Variants in ARHGEF10L observed in about 807,000 individuals in gnomAD.
ARHGEF10L encodes the protein Rho guanine nucleotide exchange factor 10 like, also known as rho guanine nucleotide exchange factor 10-like protein.
ARHGEF10L carries 69 observed loss-of-function variants against 141.2 expected under a neutral mutation model. The observed-to-expected ratio is 0.49, with a 90% CI of 0.40 to 0.60. ARHGEF10L has a LOEUF of 0.60. Ranked by LOEUF, ARHGEF10L falls within the 20% of genes least tolerant of loss-of-function variation. The pLI is 0.00. For missense variants in ARHGEF10L, 1,482 were observed against 1,734.3 expected (o/e 0.85, Z 2.58); for synonymous variants, 711 against 718.5 (o/e 0.99, Z 0.17).
the ARHGEF10L span, among the ~76,000 whole-genome samples, chr1:17,528,403 G>T: frequency 6.6e-6 from 1 of 151,914 alleles, no homozygotes; most frequent in South Asian, 2.1e-4. Flanking sequence ...TTTTTGTAGA[G>T]ACAGGGTCTC....
At chr1:17,689,287 G>A (rs1056183995) in intron 27 of ARHGEF10L, among the ~76,000 whole-genome samples, 5 of 152,106 alleles carry the variant, frequency 3.3e-5, no homozygotes, top group African/African-American at 9.6e-5. Context: ...ATGGGATGTA[G>A]GTCCCAGCTC....
rs1007781790 is a variant in ARHGEF10L at position 17,573,346 on chromosome 1, C to A, written c.-43-7207C>A. Among the ~76,000 whole-genome samples, 1 of 152,190 alleles carries A rather than the reference C, an allele frequency of 6.6e-6. No homozygotes were observed. Among genetic ancestry groups the A allele is most frequent in the East Asian group, 1.9e-4 (1 of 5,168 alleles). On this transcript the variant is annotated intron_variant, in intron 1 of 28. Coordinates refer to ENST00000361221, the MANE Select transcript of ARHGEF10L (RefSeq NM_018125.4). This position sits in a 1 kb window ranked among gnomAD's most constrained non-coding sequence, Gnocchi z 4.8. Reference sequence around the variant, plus strand: ...CTCTGATGGGCGAGTTGATGGCACACAGTATGTGTCATGCCAGCTGCTGTC... The same window carrying A: ...CTCTGATGGGCGAGTTGATGGCACAAAGTATGTGTCATGCCAGCTGCTGTC...
rs538660598 is a variant in ARHGEF10L, at chr1:17,669,620, C to T, written c.3009+5025C>T. 2.6e-5 allele frequency among the ~76,000 whole-genome samples: 4 copies of T among 152,328 alleles called. No homozygotes were observed. In the South Asian group the frequency reaches 8.3e-4, roughly 32 times the overall value. On this transcript the variant is annotated intron_variant, in intron 26 of 28. Transcript: ENST00000361221. ...CAGAAGTCTCAGTTTCCTTGGGGTGCCTGGGCCCCCCAAAGCTTTCTGTCT... is the reference window on the plus strand; with the variant it reads ...CAGAAGTCTCAGTTTCCTTGGGGTGTCTGGGCCCCCCAAAGCTTTCTGTCT...
At chr1:17,668,982 C>G (rs2063150892) in intron 26 of ARHGEF10L, among the ~76,000 whole-genome samples, 1 of 152,126 alleles carries the variant, frequency 6.6e-6, no homozygotes, top group African/African-American at 2.4e-5. Context: ...CCTGGGGGAG[C>G]CGCCTGGAGC....
intron 26 of ARHGEF10L, among the ~76,000 whole-genome samples, chr1:17,680,973 A>G (rs1177597644): frequency 6.6e-6 from 1 of 151,972 alleles, no homozygotes; most frequent in Non-Finnish European, 1.5e-5. Flanking sequence ...TAGTAGAGAC[A>G]TGTTGGCCAG....
chr1:17,528,964 G>T, the ARHGEF10L span, among the ~76,000 whole-genome samples: 2 of 152,106 alleles, frequency 1.3e-5, no homozygotes, highest in Non-Finnish European at 2.9e-5. Flanking sequence ...GATGATGGTT[G>T]TGAGGATGGT....
rs1472436534 is a variant in ARHGEF10L, at chr1:17,539,723, G to A, written c.-271G>A. 6.8e-6 allele frequency: 1 copy of A among 146,546 alleles called. No individual in the cohort carries two copies. The highest frequency in any genetic ancestry group is 1.5e-5 in the Non-Finnish European group (1 of 65,740). The allele number at this position is 146,546 out of a possible 1,614,324, so 9.1% of individuals were successfully genotyped here. On this transcript the variant is annotated 5_prime_UTR_variant, in exon 1 of 29. Transcript: ENST00000361221. The surrounding 1 kb of genome is among the most constrained non-coding windows in gnomAD (Gnocchi z 6.0). Reference sequence around the variant, plus strand: ...GCGTCGCGCACGGCGGCGGCGGCGGGACCAGGCCTCGGAGCGCGGCGGGCG... The same window carrying A: ...GCGTCGCGCACGGCGGCGGCGGCGGAACCAGGCCTCGGAGCGCGGCGGGCG...
chr1:17,566,415 G>A (rs2077758694), intron 1 of ARHGEF10L, among the ~76,000 whole-genome samples: 1 of 152,236 alleles, frequency 6.6e-6, no homozygotes, highest in Non-Finnish European at 1.5e-5. Flanking sequence ...TATAAATCAA[G>A]GTGGGATGGA....
chr1:17,560,354 C>T (rs1355759728), intron 1 of ARHGEF10L, among the ~76,000 whole-genome samples: 1 of 152,212 alleles, frequency 6.6e-6, no homozygotes, highest in Non-Finnish European at 1.5e-5. Flanking sequence ...CCAGCTGTCT[C>T]CTTGCTGTTA....
intron 7 of ARHGEF10L, among the ~76,000 whole-genome samples, chr1:17,611,087 A>G (rs958910011): frequency 2.0e-5 from 3 of 152,166 alleles, no homozygotes; most frequent in Admixed American, 6.5e-5. Context: ...CAGAAACGCC[A>G]GCCCTGGCCC....
In ARHGEF10L at chr1:17,588,571, C is replaced by T. The variant is rs116178304; in HGVS notation, c.257+92C>T. On this transcript the variant is annotated intron_variant, in intron 4 of 28. Coordinates refer to ENST00000361221, the MANE Select transcript of ARHGEF10L (RefSeq NM_018125.4). ...TGGGGTGGAGCTGAGGCCCAGAGGA[C>T]CCGACTGGTCTTTGGCTAAGGAGGA... is the stretch of plus-strand genomic sequence containing the variant. 1.4e-3 allele frequency: 2,169 copies of T among 1,506,432 alleles called. 21 individuals carry two copies. The African/African-American group carries it at 0.024, about 17-fold the overall frequency. 93.3% of individuals were successfully genotyped at this position (1,506,432 alleles called of 1,614,324 possible).
At chr1:17,605,749 C>T (rs1203590827) in intron 6 of ARHGEF10L, among the ~76,000 whole-genome samples, 7 of 152,154 alleles carry the variant, frequency 4.6e-5, no homozygotes, top group South Asian at 2.1e-4. Flanking sequence ...CCTGTGGAGG[C>T]GTGGACCTGC....
rs1379366681 is a variant in ARHGEF10L, at chr1:17,638,622, A to C, written c.2104A>C (p.Lys702Gln). The C allele has an allele frequency of 6.2e-7, 1 of 1,614,034 alleles. No individual in the cohort carries two copies. The highest frequency in any genetic ancestry group is 8.5e-7 in the Non-Finnish European group (1 of 1,180,008). Residue 702 changes from lysine to glutamine, a missense_variant, in exon 20 of 29, where the codon AAG becomes CAG. Lys to Gln is a moderately conservative substitution (Grantham distance 53). Transcript: ENST00000361221. ...GGCCCTGCAGAGGCTGATGCGGGTG[A>C]AGGAGGAAGAGATCCACTCGGCCAA... ...CLALQRLMRVKEEEIHSANKC... is the reference protein window; with the variant it reads ...CLALQRLMRVQEEEIHSANKC...
At chr1:17,602,600 C>T (rs981871127) in intron 5 of ARHGEF10L, among the ~76,000 whole-genome samples, 1 of 151,744 alleles carries the variant, frequency 6.6e-6, no homozygotes, top group Non-Finnish European at 1.5e-5. Context: ...AAAGAGGGTC[C>T]CAGACAGAGG....
chr1:17,532,840 C>T, the ARHGEF10L span, among the ~76,000 whole-genome samples: 2 of 152,116 alleles, frequency 1.3e-5, no homozygotes, highest in Admixed American at 6.6e-5. Context: ...GGTGATCTGC[C>T]TGCCTCGGCC....
intron 1 of ARHGEF10L, among the ~76,000 whole-genome samples, chr1:17,569,901 C>T (rs2077922360): frequency 6.6e-6 from 1 of 152,202 alleles, no homozygotes; most frequent in South Asian, 2.1e-4. Flanking sequence ...CTCCTCTGGC[C>T]CTGTCCCACT....
chr1:17,558,612 GC>G lies in ARHGEF10L; in HGVS notation c.-44+18664del, dbSNP rs2077431886. Among the ~76,000 whole-genome samples the G allele has an allele frequency of 6.6e-6, 1 of 152,234 alleles. No homozygotes were observed. On this transcript the variant is annotated intron_variant, in intron 1 of 28. Coordinates refer to ENST00000361221, the MANE Select transcript of ARHGEF10L (RefSeq NM_018125.4). This position sits in a 1 kb window ranked among gnomAD's most constrained non-coding sequence, Gnocchi z 4.2. The stretch of plus-strand genomic sequence containing the variant: ...GGCTTTCAGGCCCTGGAAGGGTCTT[GC>G]CTTTGGGAAGGCAGGTCATCGTGGC...
At chr1:17,669,735 A>G (rs979905408) in intron 26 of ARHGEF10L, among the ~76,000 whole-genome samples, 1 of 152,226 alleles carries the variant, frequency 6.6e-6, no homozygotes, top group Non-Finnish European at 1.5e-5. Flanking sequence ...TTGTTTCCAC[A>G]GTGCCTGGAT....
chr1:17,656,189 C>A lies in ARHGEF10L; in HGVS notation c.2705+87C>A. On this transcript the variant is annotated intron_variant, in intron 24 of 28. Coordinates refer to ENST00000361221, the MANE Select transcript of ARHGEF10L (RefSeq NM_018125.4). This position sits in a 1 kb window ranked among gnomAD's most constrained non-coding sequence, Gnocchi z 4.9. ...TGTCCCTGTAGCCTTCCGGATCTGCCTGTTGCCCACCAACATTCTCTGCCC... is the reference window on the plus strand; with the variant it reads ...TGTCCCTGTAGCCTTCCGGATCTGCATGTTGCCCACCAACATTCTCTGCCC... The A allele has an allele frequency of 7.2e-7, 1 of 1,393,820 alleles. No homozygotes were observed. Among genetic ancestry groups the A allele is most frequent in the Admixed American group, 2.1e-5 (1 of 48,564 alleles). 86.3% of individuals were successfully genotyped at this position (1,393,820 alleles called of 1,614,324 possible). A position where few individuals can be genotyped will look rare whatever the true frequency, so the allele number is the denominator to read the frequency against.
Sources: gnomAD v4.1 joint callset for allele counts (sites outside exome capture counted in the v4.1 genomes callset) on GRCh38, gnomAD v4.1.1 for gene constraint, Gnocchi (gnomAD v3.1) non-coding constraint, MANE v1.5 for transcripts, NCBI Gene and HGNC (gene_info 2026-07-23, HGNC 2026-07-21) for gene names.